Variants in COL4A2 observed in about 807,000 individuals in gnomAD.
The protein encoded by COL4A2 is collagen type IV alpha 2 chain.
COL4A2 carries 99 observed loss-of-function variants against 200.2 expected under a neutral mutation model. The observed-to-expected ratio is 0.49, with a 90% CI of 0.42 to 0.58. COL4A2 has a LOEUF of 0.58. Ranked by LOEUF, COL4A2 falls within the 20% of genes least tolerant of loss-of-function variation. COL4A2 has a pLI of 0.00. For missense variants in COL4A2, 1,950 were observed against 2,314.1 expected (o/e 0.84, Z 3.23); for synonymous variants, 897 against 900.6 (o/e 1.00, Z 0.07).
chr13:110,394,230 A>G (rs992830989), intron 4 of COL4A2, among the ~76,000 whole-genome samples: 6 of 152,220 alleles, frequency 3.9e-5, no homozygotes, highest in Non-Finnish European at 5.9e-5. Context: ...ACTTTCTGCC[A>G]GACACTGTTT....
chr13:110,341,659 C>T (rs1480974409), intron 3 of COL4A2, among the ~76,000 whole-genome samples: 1 of 152,224 alleles, frequency 6.6e-6, no homozygotes, highest in African/African-American at 2.4e-5. Context: ...GGGATACCGG[C>T]TTTAAAGACG....
intron 3 of COL4A2, among the ~76,000 whole-genome samples, chr13:110,326,125 G>T (rs188604542): frequency 6.6e-6 from 1 of 152,162 alleles, no homozygotes. Flanking sequence ...AACCCAGATG[G>T]CACCTGCCCT....
intron 3 of COL4A2, among the ~76,000 whole-genome samples, chr13:110,342,404 T>C (rs543925131): frequency 3.9e-4 from 60 of 152,314 alleles, no homozygotes; most frequent in African/African-American, 1.4e-3. Flanking sequence ...AGCAATCTCC[T>C]TGAACAATAA....
intron 3 of COL4A2, among the ~76,000 whole-genome samples, chr13:110,331,515 C>A (rs572436634): frequency 3.9e-5 from 6 of 152,256 alleles, no homozygotes; most frequent in African/African-American, 1.4e-4. Context: ...CTGACTTCCA[C>A]GGTGCTGAGA....
chr13:110,495,704 G>A (rs1347251347), intron 40 of COL4A2, among the ~76,000 whole-genome samples: 1 of 152,214 alleles, frequency 6.6e-6, no homozygotes, highest in Non-Finnish European at 1.5e-5. Flanking sequence ...TGGAGTAACT[G>A]ATAAGCTCCC....
intron 5 of COL4A2, 27 bp from the exon 6 acceptor site, chr13:110,424,926 G>A: frequency 6.2e-7 from 1 of 1,614,134 alleles, no homozygotes. Context: ...TCTCAGCCTT[G>A]GTTAATTGCA....
intron 26 of COL4A2, among the ~76,000 whole-genome samples, 187 bp downstream of exon 26, chr13:110,466,249 C>T (rs1011590972): frequency 1.3e-5 from 2 of 152,182 alleles, no homozygotes; most frequent in Non-Finnish European, 2.9e-5. Context: ...CTGGTAGAGA[C>T]GGAGAGACAT....
At chr13:110,316,979 A>G (rs1408150037) in intron 3 of COL4A2, among the ~76,000 whole-genome samples, 1 of 152,156 alleles carries the variant, frequency 6.6e-6, no homozygotes, top group Non-Finnish European at 1.5e-5. Flanking sequence ...GAGAGAGAAC[A>G]CACACATACA....
At chr13:110,362,752 A>C (rs1487395477) in intron 4 of COL4A2, among the ~76,000 whole-genome samples, 3 of 152,218 alleles carry the variant, frequency 2.0e-5, no homozygotes, top group Non-Finnish European at 4.4e-5. Context: ...CGCAATGTAA[A>C]GGTTAATAAT....
intron 4 of COL4A2, among the ~76,000 whole-genome samples, chr13:110,400,685 A>T (rs900643255): frequency 6.6e-5 from 10 of 152,352 alleles, no homozygotes; most frequent in South Asian, 2.1e-4. Context: ...TGATAAGATT[A>T]AAAAAGTTGT....
rs201561499 is a variant in COL4A2, at chr13:110,503,849, G to A, written c.4141G>A (p.Ala1381Thr). 2.4e-4 allele frequency: 380 copies of A among 1,613,716 alleles called. 1 individual carries two copies. The highest frequency in any genetic ancestry group is 6.0e-4 in the South Asian group (55 of 91,066). The change falls in exon 44 of 48, where the codon GCC becomes ACC. Residue 1381 changes from alanine to threonine, a missense_variant and splice_region_variant. Transcript: ENST00000360467. ...GGGCCTCTCTGTTTCCCTTCCAGGTGCCCCCGGGACTGTGGGAGCCCCCGG... is the reference window on the plus strand; with the variant it reads ...GGGCCTCTCTGTTTCCCTTCCAGGTACCCCCGGGACTGTGGGAGCCCCCGG... ...GPKGDPGFPG[A>T]PGTVGAPGIA...
In COL4A2 at chr13:110,458,991, C is replaced by T; in HGVS notation, c.1596+57C>T. ...GACACTCTGAGGCCTCCCCAGGTGT[C>T]CCGTTCTTGCCTTTTATCTCCTAAG... On this transcript the variant is annotated intron_variant, in intron 22 of 47. Transcript: ENST00000360467. 12 of 1,437,724 alleles carry T rather than the reference C, an allele frequency of 8.3e-6. No homozygotes were observed. In the South Asian group the frequency reaches 1.7e-4, roughly 21 times the overall value. 89.1% of individuals were successfully genotyped at this position (1,437,724 alleles called of 1,614,324 possible).
At chr13:110,315,911 G>C in intron 3 of COL4A2, among the ~76,000 whole-genome samples, 1 of 152,212 alleles carries the variant, frequency 6.6e-6, no homozygotes, top group Non-Finnish European at 1.5e-5. Context: ...TGGATGAGGA[G>C]TACAGTCATG....
chr13:110,502,882 TG>T (rs1474592953), intron 41 of COL4A2: 1 of 458,514 alleles, frequency 2.2e-6, no homozygotes, highest in Non-Finnish European at 3.9e-6. Context: ...GTTCTGGAGC[TG>T]GTCGGCGGTG....
intron 4 of COL4A2, among the ~76,000 whole-genome samples, chr13:110,409,180 CAT>C (rs1349966773): frequency 1.3e-5 from 2 of 152,100 alleles, no homozygotes; most frequent in African/African-American, 4.8e-5. Flanking sequence ...CATGTACACA[CAT>C]ACACGCACAT....
Position 110,424,873 on chromosome 13 carries a change from G to GCAC in COL4A2, c.315+7_315+9dup, listed in dbSNP as rs756286769. 5 of 1,614,114 alleles carry GCAC rather than the reference G, an allele frequency of 3.1e-6. No homozygotes were observed. The highest frequency in any genetic ancestry group is 4.2e-6 in the Non-Finnish European group (5 of 1,179,986). Reference sequence around the variant, plus strand: ...ACGGGACCCAAGGGCGACGTGGTACGCACCGCTGGTGTATTCCCCTGGCCT... The same window carrying GCAC: ...ACGGGACCCAAGGGCGACGTGGTACGCACCACCGCTGGTGTATTCCCCTGGCCT... On this transcript the variant is annotated splice_donor_region_variant and intron_variant, in intron 5 of 47. Transcript: ENST00000360467.
chr13:110,446,920 T>G, intron 18 of COL4A2, 56 bp downstream of exon 18: 2 of 1,446,294 alleles, frequency 1.4e-6, no homozygotes, highest in Middle Eastern at 1.8e-4. Context: ...TCTCTCCTGT[T>G]AGGGACACAG....
At chr13:110,429,233 A>G (rs1880585757) in intron 7 of COL4A2, 1 of 152,190 alleles carries the variant, frequency 6.6e-6, no homozygotes, top group African/African-American at 2.4e-5. Context: ...ACCTGAAGCA[A>G]ATGGAGTTCT....
intron 4 of COL4A2, among the ~76,000 whole-genome samples, chr13:110,402,229 A>C (rs906458412): frequency 3.3e-5 from 5 of 152,238 alleles, no homozygotes; most frequent in African/African-American, 1.2e-4. Context: ...ATTGATCCTG[A>C]GGCACATTTC....
Sources: allele counts gnomAD v4.1 joint callset (sites outside exome capture counted in the v4.1 genomes callset), GRCh38; gene constraint gnomAD v4.1.1; transcripts MANE v1.5; gene names NCBI Gene and HGNC (gene_info 2026-07-23, HGNC 2026-07-21).